The following DCLK1 variants were observed in gnomAD, a reference collection of about 807,000 sequenced individuals.
The protein encoded by DCLK1 is doublecortin like kinase 1.
Under a neutral mutation model 86.2 loss-of-function variants are expected in DCLK1, and 16 were observed. The observed-to-expected ratio is 0.19, with a 90% CI of 0.13 to 0.28. The LOEUF (loss-of-function observed/expected upper bound fraction) is 0.28. Ranked by LOEUF, DCLK1 falls within the 10% of genes least tolerant of loss-of-function variation. The probability of loss-of-function intolerance (pLI) is 1.00; values close to 1 mark genes in which losing one functional copy is unlikely to be tolerated. For missense variants in DCLK1, 590 were observed against 940.2 expected, an observed-to-expected ratio of 0.63 and a Z score of 4.87; for synonymous variants, 369 against 370.5, an observed-to-expected ratio of 1.00 and a Z score of 0.05.
chr13:36,022,505 AC>A (rs1881824830), intron 3 of DCLK1, among the ~76,000 whole-genome samples: 1 of 151,948 alleles, frequency 6.6e-6, no homozygotes, highest in African/African-American at 2.4e-5. Context: ...AAATTAACAA[AC>A]CTTTAGCTAG....
chr13:35,985,513 A>C (rs1296439900), intron 3 of DCLK1, among the ~76,000 whole-genome samples: 2 of 152,252 alleles, frequency 1.3e-5, no homozygotes, highest in Non-Finnish European at 2.9e-5. Flanking sequence ...CGAGGCTGTC[A>C]TTGAAGGCAG....
At chr13:35,924,258 T>C (rs1020009582) in intron 4 of DCLK1, among the ~76,000 whole-genome samples, 4 of 152,178 alleles carry the variant, frequency 2.6e-5, no homozygotes, top group Admixed American at 6.5e-5. Context: ...AAATCTTTTT[T>C]TTTTTTAAAT....
At chr13:36,012,059 T>C (rs1881298182) in intron 3 of DCLK1, among the ~76,000 whole-genome samples, 1 of 143,016 alleles carries the variant, frequency 7.0e-6, no homozygotes, top group Non-Finnish European at 1.5e-5. Flanking sequence ...CCCCTGCCTT[T>C]TTTTGTTTTC....
chr13:36,102,485 T>G (rs992191274), intron 3 of DCLK1, among the ~76,000 whole-genome samples: 5 of 152,308 alleles, frequency 3.3e-5, no homozygotes, highest in African/African-American at 7.2e-5. Context: ...ACTATCTTCT[T>G]TCTCCCAGAT....
intron 3 of DCLK1, among the ~76,000 whole-genome samples, chr13:36,087,734 G>A (rs1036659452): frequency 1.3e-5 from 2 of 152,050 alleles, no homozygotes; most frequent in African/African-American, 2.4e-5. Context: ...ACAAGGGACA[G>A]GTTTGATTGG....
chr13:35,899,215 T>C (rs948707691), intron 4 of DCLK1, among the ~76,000 whole-genome samples: 2 of 152,168 alleles, frequency 1.3e-5, no homozygotes, highest in Non-Finnish European at 1.5e-5. Flanking sequence ...AAATGTGAGA[T>C]GCTAGCGTCA....
At chr13:35,838,951 C>G (rs1869595341) in intron 7 of DCLK1, 141 bp downstream of exon 7, 1 of 702,360 alleles carries the variant, frequency 1.4e-6, no homozygotes. Context: ...GCACCATATT[C>G]AACCCTATCC....
chr13:35,828,015 T>G (rs2296643), intron 9 of DCLK1, among the ~76,000 whole-genome samples: 113,686 of 152,120 alleles, frequency 0.75, 42,836 homozygotes, highest in Middle Eastern at 0.83. Flanking sequence ...TAGATCACAT[T>G]AAGAAGGGAA....
intron 6 of DCLK1, among the ~76,000 whole-genome samples, chr13:35,852,311 T>C (rs1275759875): frequency 6.6e-6 from 1 of 152,196 alleles, no homozygotes; most frequent in Non-Finnish European, 1.5e-5. Context: ...CAGTTGCCTA[T>C]ATGCCAAGAT....
At chr13:36,005,094 T>G (rs1880893046) in intron 3 of DCLK1, among the ~76,000 whole-genome samples, 1 of 152,126 alleles carries the variant, frequency 6.6e-6, no homozygotes, top group Non-Finnish European at 1.5e-5. Context: ...GTATATGATT[T>G]TTGCCATTAA....
At chr13:36,032,951 CCTT>C (rs770500939) in intron 3 of DCLK1, among the ~76,000 whole-genome samples, 5 of 152,156 alleles carry the variant, frequency 3.3e-5, no homozygotes, top group Non-Finnish European at 7.3e-5. Context: ...TGAAACATCA[CCTT>C]CTCTGTAAGG....
chr13:35,945,804 C>T (rs1877349565), intron 4 of DCLK1, among the ~76,000 whole-genome samples: 1 of 152,138 alleles, frequency 6.6e-6, no homozygotes, highest in South Asian at 2.1e-4. Flanking sequence ...AAATCTGTGC[C>T]TCAAAGGGCA....
intron 5 of DCLK1, among the ~76,000 whole-genome samples, chr13:35,869,672 A>T (rs1390898892): frequency 6.6e-6 from 1 of 152,224 alleles, no homozygotes; most frequent in Non-Finnish European, 1.5e-5. Context: ...GTGCATTGGA[A>T]TCAGCTGGAG....
intron 5 of DCLK1, among the ~76,000 whole-genome samples, chr13:35,857,411 C>A (rs943911242): frequency 1.1e-4 from 17 of 152,120 alleles, no homozygotes; most frequent in African/African-American, 3.9e-4. Flanking sequence ...AACACCTCTT[C>A]CCAACTCCTT....
rs1366358644 is a variant in DCLK1 at position 35,773,401 on chromosome 13, G to A, written c.*1134C>T. ...TATAGGTAACCTAAAGGTGCACATG[G>A]AATTGTCTTGCCAGTGGTTTATTCA... On this transcript the variant is annotated 3_prime_UTR_variant, in exon 17 of 17. Transcript: ENST00000360631. 6.6e-6 allele frequency: 1 copy of A among 152,012 alleles called. No homozygotes were observed. The highest frequency in any genetic ancestry group is 1.5e-5 in the Non-Finnish European group (1 of 67,972). 9.4% of individuals were successfully genotyped at this position (152,012 alleles called of 1,614,324 possible). A position where few individuals can be genotyped will look rare whatever the true frequency, so the allele number is the denominator to read the frequency against.
At chr13:35,975,115 G>C (rs1879269185) in intron 3 of DCLK1, among the ~76,000 whole-genome samples, 1 of 152,152 alleles carries the variant, frequency 6.6e-6, no homozygotes. Context: ...CCAAAGACTA[G>C]GTCAGGTCTT....
intron 7 of DCLK1, among the ~76,000 whole-genome samples, chr13:35,836,677 C>T (rs1041825628): frequency 3.9e-5 from 6 of 152,156 alleles, no homozygotes; most frequent in African/African-American, 9.7e-5. Context: ...TCGGTATCAA[C>T]GAGCAGACTT....
intron 16 of DCLK1, among the ~76,000 whole-genome samples, chr13:35,792,409 A>G (rs115687806): frequency 0.017 from 2,523 of 152,280 alleles, 74 homozygotes; most frequent in African/African-American, 0.058. Context: ...GAAAAAAAGG[A>G]AAGAAACTAA....
intron 3 of DCLK1, among the ~76,000 whole-genome samples, chr13:36,065,993 C>T (rs1415260855): frequency 6.6e-6 from 1 of 151,894 alleles, no homozygotes. Context: ...TTCTTCATAC[C>T]AAATGCTATA....
Sources: gnomAD v4.1 joint callset for allele counts (sites outside exome capture counted in the v4.1 genomes callset) on GRCh38, gnomAD v4.1.1 for gene constraint, MANE v1.5 for transcripts, NCBI Gene and HGNC (gene_info 2026-07-23, HGNC 2026-07-21) for gene names.